Variants in CDRT4 observed in about 807,000 individuals in gnomAD.
CDRT4 encodes CMT1A duplicated region transcript 4.
For missense variants in CDRT4, 167 were observed against 193.1 expected (o/e 0.87, Z 0.80); for synonymous variants, 64 against 69.6 (o/e 0.92, Z 0.40).
At chr17:15,459,475 C>T (rs1400427833) in intron 1 of CDRT4, among the ~76,000 whole-genome samples, 24 of 129,970 alleles carry the variant, frequency 1.8e-4, no homozygotes, top group African/African-American at 7.0e-4. Flanking sequence ...GACAGAGTCT[C>T]GCTCTGTCAC....
chr17:15,439,344 C>T (rs1002232477), intron 3 of CDRT4, among the ~76,000 whole-genome samples: 3 of 151,930 alleles, frequency 2.0e-5, no homozygotes, highest in East Asian at 1.9e-4. Context: ...CACGCTGCCT[C>T]GTGGCTGTCC....
At chr17:15,445,562 G>GA (rs983856604) in intron 2 of CDRT4, among the ~76,000 whole-genome samples, 4 of 152,116 alleles carry the variant, frequency 2.6e-5, no homozygotes, top group African/African-American at 7.2e-5. Context: ...AGCAACCAGT[G>GA]AAAAAATGTT....
rs1241711769 is a variant in CDRT4, at chr17:15,437,390, TG to T, written c.*382del. 2 of 257,634 alleles carry T rather than the reference TG, an allele frequency of 7.8e-6. No individual in the cohort carries two copies. Among genetic ancestry groups the T allele is most frequent in the African/African-American group, 4.4e-5 (2 of 45,082 alleles). The allele number at this position is 257,634 out of a possible 1,614,324, so 16.0% of individuals were successfully genotyped here. On this transcript the variant is annotated 3_prime_UTR_variant, in exon 4 of 4. Coordinates refer to ENST00000619038, the MANE Select transcript of CDRT4 (RefSeq NM_001204477.2). ...GTGGTGCTACCTCCATGGATACCTTTGTATTCCCTTCCTGCCCTTTACTGTC... is the reference window on the plus strand; with the variant it reads ...GTGGTGCTACCTCCATGGATACCTTTTATTCCCTTCCTGCCCTTTACTGTC...
At chr17:15,444,639 G>C (rs1978933273) in intron 2 of CDRT4, among the ~76,000 whole-genome samples, 1 of 151,882 alleles carries the variant, frequency 6.6e-6, no homozygotes, top group Non-Finnish European at 1.5e-5. Flanking sequence ...ATCACTTGAG[G>C]CCAGGAGTTC....
In CDRT4 at chr17:15,464,964, CA is replaced by C. The variant is rs1979930026; in HGVS notation, c.-130+2495del. 6.6e-6 allele frequency among the ~76,000 whole-genome samples: 1 copy of C among 150,434 alleles called. No individual in the cohort carries two copies. The highest frequency in any genetic ancestry group is 1.5e-5 in the Non-Finnish European group (1 of 67,470). ...ACACACACCAACACACAGACACACACACCAACAGACACACCAACACACAGAC... is the reference window on the plus strand; with the variant it reads ...ACACACACCAACACACAGACACACACCCAACAGACACACCAACACACAGAC... On this transcript the variant is annotated intron_variant, in intron 1 of 3. Coordinates refer to ENST00000619038, the MANE Select transcript of CDRT4 (RefSeq NM_001204477.2). The surrounding 1 kb of genome is among the most constrained non-coding windows in gnomAD (Gnocchi z 4.5).
Position 15,453,046 on chromosome 17 carries a change from C to A in CDRT4, c.-90G>T. On this transcript the variant is annotated 5_prime_UTR_variant, in exon 2 of 4. An upstream open reading frame in the 5' UTR gains an earlier in-frame stop. Transcript: ENST00000619038. ...CTTCCTCTTCTCCCAGCTGAAAACT[C>A]TCTCTTAAAGTTCCTGGTGCAGCTC... 1 of 152,278 alleles carries A rather than the reference C, an allele frequency of 6.6e-6. No individual in the cohort carries two copies. 9.4% of individuals were successfully genotyped at this position (152,278 alleles called of 1,614,324 possible).
intron 3 of CDRT4, among the ~76,000 whole-genome samples, chr17:15,439,608 C>A (rs1180206232): frequency 6.6e-6 from 1 of 152,222 alleles, no homozygotes; most frequent in Non-Finnish European, 1.5e-5. Context: ...CGTTCCATCT[C>A]CTGAACATGC....
At chr17:15,465,718 A>C (rs578039512) in intron 1 of CDRT4, among the ~76,000 whole-genome samples, 2 of 152,340 alleles carry the variant, frequency 1.3e-5, no homozygotes, top group African/African-American at 4.8e-5. Context: ...AAACACGGAG[A>C]CACATATGCC....
intron 1 of CDRT4, among the ~76,000 whole-genome samples, chr17:15,466,247 A>G (rs1471689074): frequency 1.3e-5 from 2 of 152,140 alleles, no homozygotes; most frequent in African/African-American, 2.4e-5. Context: ...TACTGACTCA[A>G]TGTAGCTCAA....
intron 1 of CDRT4, among the ~76,000 whole-genome samples, chr17:15,459,782 A>G (rs934060373): frequency 2.0e-5 from 3 of 152,024 alleles, no homozygotes; most frequent in African/African-American, 7.2e-5. Context: ...GCACCAACCA[A>G]TGAGGTAGAA....
At chr17:15,454,618 T>G (rs1053803794) in intron 1 of CDRT4, among the ~76,000 whole-genome samples, 6 of 152,182 alleles carry the variant, frequency 3.9e-5, no homozygotes, top group African/African-American at 1.4e-4. Flanking sequence ...CTCAGATCAT[T>G]GCAGCCCTGG....
At chr17:15,454,798 C>T (rs935456815) in intron 1 of CDRT4, among the ~76,000 whole-genome samples, 4 of 152,146 alleles carry the variant, frequency 2.6e-5, no homozygotes, top group Non-Finnish European at 5.9e-5. Flanking sequence ...CGGTATGTCC[C>T]ATCTTGAGCA....
intron 1 of CDRT4, among the ~76,000 whole-genome samples, chr17:15,455,162 T>C (rs942721129): frequency 6.6e-6 from 1 of 151,850 alleles, no homozygotes; most frequent in South Asian, 2.1e-4. Context: ...CTTGGGCTCA[T>C]CTGCTTTCCT....
chr17:15,452,484 T>G (rs1979306415), intron 2 of CDRT4: 1 of 152,264 alleles, frequency 6.6e-6, no homozygotes, highest in Admixed American at 6.5e-5. Flanking sequence ...TACTCTGCTT[T>G]CCCTTCGAAA....
chr17:15,463,834 G>A (rs1979870292), intron 1 of CDRT4, among the ~76,000 whole-genome samples: 1 of 152,168 alleles, frequency 6.6e-6, no homozygotes, highest in Non-Finnish European at 1.5e-5. Flanking sequence ...GGGTCTGAGG[G>A]AGCCCCAGAA....
At position 15,442,424 on chromosome 17, in the gene CDRT4, AAAAG is replaced by A. The variant is rs954934913; in HGVS notation, c.-47-2143_-47-2140del. ...GACTCCGTCTCCAAGAAAAAAAAAA[AAAAG>A]AAAGAAAGAAATTTTTCTTCATCTT... On this transcript the variant is annotated intron_variant, in intron 2 of 3. Coordinates refer to ENST00000619038, the MANE Select transcript of CDRT4 (RefSeq NM_001204477.2). 1.4e-4 allele frequency among the ~76,000 whole-genome samples: 22 copies of A among 152,186 alleles called. No individual in the cohort carries two copies. In the South Asian group the frequency reaches 3.5e-3, roughly 24 times the overall value.
chr17:15,457,786 A>G (rs1348566753), intron 1 of CDRT4, among the ~76,000 whole-genome samples: 1 of 152,140 alleles, frequency 6.6e-6, no homozygotes, highest in African/African-American at 2.4e-5. Flanking sequence ...GGGGCTCCAC[A>G]TGCTCCACAC....
intron 3 of CDRT4, among the ~76,000 whole-genome samples, chr17:15,438,438 T>C (rs750692222): frequency 3.3e-5 from 5 of 152,194 alleles, no homozygotes; most frequent in Admixed American, 6.5e-5. Flanking sequence ...ACAGATCTGA[T>C]TGATTTTAAA....
At chr17:15,438,429 CAG>C (rs1978605508) in intron 3 of CDRT4, among the ~76,000 whole-genome samples, 1 of 152,174 alleles carries the variant, frequency 6.6e-6, no homozygotes, top group Admixed American at 6.5e-5. Context: ...CAGAGTCAAA[CAG>C]ATCTGATTGA....
Sources: gnomAD v4.1 joint callset for allele counts (sites outside exome capture counted in the v4.1 genomes callset) on GRCh38, gnomAD v4.1.1 for gene constraint, Gnocchi (gnomAD v3.1) non-coding constraint, MANE v1.5 for transcripts, NCBI Gene and HGNC (gene_info 2026-07-23, HGNC 2026-07-21) for gene names.